The following ACAN variants were observed in gnomAD, a reference collection of about 807,000 sequenced individuals.
ACAN encodes the protein aggrecan, also known as aggrecan core protein.
In ACAN, 47 loss-of-function variants were observed where a neutral mutation model predicts 169.1. The ratio of observed to expected loss-of-function variants is 0.28; its 90% confidence interval spans 0.22 to 0.35. The LOEUF (loss-of-function observed/expected upper bound fraction) is 0.35. Ranked by LOEUF, ACAN falls within the 10% of genes least tolerant of loss-of-function variation. ACAN has a pLI of 1.00. For synonymous variants in ACAN, 1,115 were observed against 1,112.2 expected, an observed-to-expected ratio of 1.00 and a Z score of -0.05; for missense variants, 2,716 against 2,759.9, an observed-to-expected ratio of 0.98 and a Z score of 0.36.
intron 7 of ACAN, among the ~76,000 whole-genome samples, chr15:88,846,703 A>C (rs1224525680): frequency 6.6e-6 from 1 of 152,264 alleles, no homozygotes; most frequent in Non-Finnish European, 1.5e-5. Context: ...ACGTTGTATC[A>C]GGTTTTATAG....
chr15:88,829,466 C>T (rs1412231129), intron 1 of ACAN, among the ~76,000 whole-genome samples: 1 of 152,164 alleles, frequency 6.6e-6, no homozygotes, highest in Non-Finnish European at 1.5e-5. Context: ...GTTGGGGTGA[C>T]TCTGGCCAGA....
rs760091367 is a variant in ACAN at position 88,857,424 on chromosome 15, T to A, written c.4839T>A (p.Thr1613=). 6.2e-7 allele frequency: 1 copy of A among 1,613,876 alleles called. No homozygotes were observed. Among genetic ancestry groups the A allele is most frequent in the Non-Finnish European group, 8.5e-7 (1 of 1,179,898 alleles). ...DLDLGKLPSG[T]LGSGQAPETS... ...ACTTGGGCAAACTGCCTTCTGGAAC[T>A]CTAGGAAGTGGGCAAGCTCCAGAAA... Residue 1613 remains threonine, a synonymous_variant, in exon 12 of 19, where the codon ACT becomes ACA. Transcript: ENST00000560601.
At chr15:88,844,847 C>A (rs918119107) in intron 6 of ACAN, among the ~76,000 whole-genome samples, 1 of 152,186 alleles carries the variant, frequency 6.6e-6, no homozygotes, top group Non-Finnish European at 1.5e-5. Flanking sequence ...TGAGGAGTTG[C>A]AAAACTTTTA....
Position 88,838,593 on chromosome 15 carries a change from G to T in ACAN, c.71-70G>T, listed in dbSNP as rs2141562772. On this transcript the variant is annotated intron_variant, in intron 2 of 18. Transcript: ENST00000560601. The surrounding 1 kb of genome is among the most constrained non-coding windows in gnomAD (Gnocchi z 5.1). ...CAGGAGAGTGCATTGCTGGAAGGATGGATGGGGAGGCGGGGTGGTCCTCTC... is the reference window on the plus strand; with the variant it reads ...CAGGAGAGTGCATTGCTGGAAGGATTGATGGGGAGGCGGGGTGGTCCTCTC... 4.7e-6 allele frequency: 7 copies of T among 1,503,694 alleles called. No homozygotes were observed. The highest frequency in any genetic ancestry group is 6.3e-6 in the Non-Finnish European group (7 of 1,116,526). 93.1% of individuals were successfully genotyped at this position (1,503,694 alleles called of 1,614,324 possible).
Position 88,845,900 on chromosome 15 carries a change from G to A in ACAN, c.1429+18G>A, listed in dbSNP as rs1896784042. 2.1e-6 allele frequency: 3 copies of A among 1,443,804 alleles called. 1 individual carries two copies. Among genetic ancestry groups the A allele is most frequent in the Non-Finnish European group, 2.7e-6 (3 of 1,095,238 alleles). The allele number at this position is 1,443,804 out of a possible 1,614,324, so 89.4% of individuals were successfully genotyped here. A position where few individuals can be genotyped will look rare whatever the true frequency, so the allele number is the denominator to read the frequency against. On this transcript the variant is annotated intron_variant, in intron 7 of 18. Coordinates refer to ENST00000560601, the MANE Select transcript of ACAN (RefSeq NM_001369268.1). ...GCCAGGGGGTAAGTAGCTGCCCGTG[G>A]GTGCATCCAGGGGCAGGTGGAGAGA...
At chr15:88,829,689 C>T (rs1481750588) in intron 1 of ACAN, among the ~76,000 whole-genome samples, 1 of 152,120 alleles carries the variant, frequency 6.6e-6, no homozygotes, top group Non-Finnish European at 1.5e-5. Flanking sequence ...TTGGTCCTTT[C>T]GAATCCATCT....
At chr15:88,804,028 C>T (rs993836024) in intron 1 of ACAN, among the ~76,000 whole-genome samples, 4 of 152,196 alleles carry the variant, frequency 2.6e-5, no homozygotes, top group Non-Finnish European at 5.9e-5. Flanking sequence ...GGCAAAGGAA[C>T]ACGTGAGGAG....
In ACAN at chr15:88,843,489, A is replaced by G. The variant is rs1896716863; in HGVS notation, c.892A>G (p.Ser298Gly). Residue 298 changes from serine (S) to glycine (G), a missense_variant, in exon 6 of 19, where the codon AGC (serine) becomes GGC (glycine). By Grantham distance (56) the Ser-to-Gly change is moderately conservative. Coordinates refer to ENST00000560601, the MANE Select transcript of ACAN (RefSeq NM_001369268.1). The surrounding 1 kb of genome is among the most constrained non-coding windows in gnomAD (Gnocchi z 4.0). ...CTGGCAGGCTGGCATGGACATGTGCAGCGCCGGCTGGCTGGCCGACCGCAG... is the reference window on the plus strand; with the variant it reads ...CTGGCAGGCTGGCATGGACATGTGCGGCGCCGGCTGGCTGGCCGACCGCAG... ...LAWQAGMDMC[S>G]AGWLADRSVR... The G allele has an allele frequency of 9.3e-6, 15 of 1,612,074 alleles. No homozygotes were observed. In the South Asian group the frequency reaches 1.5e-4, roughly 17 times the overall value.
rs1567174544 is a variant in ACAN at position 88,838,168 on chromosome 15, C to T, written c.71-495C>T. The stretch of plus-strand genomic sequence containing the variant: ...CTTGTCCCGGTGGCAAAATCAGGCT[C>T]GCACCCAAAAGCAGACCTCCCCAAA... On this transcript the variant is annotated intron_variant, in intron 2 of 18. Transcript: ENST00000560601. This position sits in a 1 kb window ranked among gnomAD's most constrained non-coding sequence, Gnocchi z 5.1. Among the ~76,000 whole-genome samples, 1 of 152,078 alleles carries T rather than the reference C, an allele frequency of 6.6e-6. No individual in the cohort carries two copies. The highest frequency in any genetic ancestry group is 1.5e-5 in the Non-Finnish European group (1 of 68,016).
intron 8 of ACAN, 150 bp downstream of exon 8, chr15:88,847,567 G>T (rs888817047): frequency 7.0e-6 from 7 of 993,206 alleles, no homozygotes; most frequent in Non-Finnish European, 1.0e-5. Context: ...TATCCCGAAA[G>T]GGTGGTGAAG....
At chr15:88,823,920 G>A (rs902560858) in intron 1 of ACAN, among the ~76,000 whole-genome samples, 8 of 152,132 alleles carry the variant, frequency 5.3e-5, no homozygotes, top group Non-Finnish European at 7.4e-5. Context: ...GGCTACCCCT[G>A]ACAGCTCTAC....
rs765929803 is a variant in ACAN at position 88,873,889 on chromosome 15, CAGA to C, written c.7501_7503del (p.Lys2501del). 5.0e-6 allele frequency: 8 copies of C among 1,613,682 alleles called. No homozygotes were observed. Among genetic ancestry groups the C allele is most frequent in the Admixed American group, 1.7e-5 (1 of 59,998 alleles). Reference sequence around the variant, plus strand: ...GGTGGAGCATGCCAGGACCTTCGGGCAGAAGAAGGACCGGTATGAGATCAATTC... The same window carrying C: ...GGTGGAGCATGCCAGGACCTTCGGGCAGAAGGACCGGTATGAGATCAATTC... On this transcript the variant is annotated inframe_deletion, in exon 18 of 19. Coordinates refer to ENST00000560601, the MANE Select transcript of ACAN (RefSeq NM_001369268.1). This position sits in a 1 kb window ranked among gnomAD's most constrained non-coding sequence, Gnocchi z 7.5.
Position 88,869,939 on chromosome 15 carries a change from G to A in ACAN, c.7061-1443G>A, listed in dbSNP as rs1420911866. ...CAGAGAAGTTGCACCCTCCAGCTCTGCCTGCCCAGCTCAGCCCTTAGCCAC... is the reference window on the plus strand; with the variant it reads ...CAGAGAAGTTGCACCCTCCAGCTCTACCTGCCCAGCTCAGCCCTTAGCCAC... On this transcript the variant is annotated intron_variant, in intron 14 of 18. Transcript: ENST00000560601. The surrounding 1 kb of genome is among the most constrained non-coding windows in gnomAD (Gnocchi z 4.2). Among the ~76,000 whole-genome samples the A allele has an allele frequency of 6.6e-6, 1 of 152,038 alleles. No individual in the cohort carries two copies. The highest frequency in any genetic ancestry group is 1.5e-5 in the Non-Finnish European group (1 of 68,012).
intron 5 of ACAN, among the ~76,000 whole-genome samples, chr15:88,842,518 T>TC (rs1264867155): frequency 8.6e-5 from 3 of 34,760 alleles, no homozygotes; most frequent in Non-Finnish European, 1.6e-4. Context: ...CCATCCCCCC[T>TC]CCCCCCTACC....
rs925422916 is a variant in ACAN, at chr15:88,849,223, C to T, written c.1733-215C>T. ...TTTTGGCACCGAAAGTCCTATGTAC[C>T]GGGAAACCCCAGTCCAGTACAAACC... On this transcript the variant is annotated intron_variant, in intron 9 of 18. Transcript: ENST00000560601. This position sits in a 1 kb window ranked among gnomAD's most constrained non-coding sequence, Gnocchi z 5.1. 3.9e-5 allele frequency among the ~76,000 whole-genome samples: 6 copies of T among 152,194 alleles called. No individual in the cohort carries two copies. Among genetic ancestry groups the T allele is most frequent in the African/African-American group, 7.2e-5 (3 of 41,442 alleles).
rs1897343596 is a variant in ACAN, at chr15:88,869,928, C to T, written c.7061-1454C>T. ...TACCCACCTCCCAGAGAAGTTGCACCCTCCAGCTCTGCCTGCCCAGCTCAG... is the reference window on the plus strand; with the variant it reads ...TACCCACCTCCCAGAGAAGTTGCACTCTCCAGCTCTGCCTGCCCAGCTCAG... On this transcript the variant is annotated intron_variant, in intron 14 of 18. Coordinates refer to ENST00000560601, the MANE Select transcript of ACAN (RefSeq NM_001369268.1). The surrounding 1 kb of genome is among the most constrained non-coding windows in gnomAD (Gnocchi z 4.2). Among the ~76,000 whole-genome samples the T allele has an allele frequency of 6.6e-6, 1 of 152,130 alleles. No individual in the cohort carries two copies. Among genetic ancestry groups the T allele is most frequent in the African/African-American group, 2.4e-5 (1 of 41,418 alleles).
intron 13 of ACAN, among the ~76,000 whole-genome samples, chr15:88,863,547 C>G (rs1416961098): frequency 6.6e-6 from 1 of 152,188 alleles, no homozygotes; most frequent in African/African-American, 2.4e-5. Flanking sequence ...CTGTTCTAAC[C>G]AGATCTCACA....
Position 88,871,416 on chromosome 15 carries a change from C to G in ACAN, c.7095C>G (p.Tyr2365Ter). ...QEVCEEGWNK[Y>*]QGHCYRHFPD... Reference sequence around the variant, plus strand: ...TATGTGAGGAGGGCTGGAACAAGTACCAGGGCCACTGTTACCGCCACTTCC... The same window carrying G: ...TATGTGAGGAGGGCTGGAACAAGTAGCAGGGCCACTGTTACCGCCACTTCC... Residue 2365 changes from tyrosine (Y) to a stop codon, truncating the protein, a stop_gained, in exon 15 of 19, where the codon TAC becomes TAG. Coordinates refer to ENST00000560601, the MANE Select transcript of ACAN (RefSeq NM_001369268.1). LOFTEE classifies it high-confidence loss of function. This position sits in a 1 kb window ranked among gnomAD's most constrained non-coding sequence, Gnocchi z 7.8. The G allele has an allele frequency of 6.2e-7, 1 of 1,613,920 alleles. No individual in the cohort carries two copies. Among genetic ancestry groups the G allele is most frequent in the Non-Finnish European group, 8.5e-7 (1 of 1,179,892 alleles).
At chr15:88,818,005 G>A (rs1420529554) in intron 1 of ACAN, among the ~76,000 whole-genome samples, 1 of 152,090 alleles carries the variant, frequency 6.6e-6, no homozygotes, top group African/African-American at 2.4e-5. Flanking sequence ...AAAATAGAAT[G>A]GAATTGTATT....
Sources: allele counts gnomAD v4.1 joint callset (sites outside exome capture counted in the v4.1 genomes callset), GRCh38; gene constraint gnomAD v4.1.1; non-coding constraint Gnocchi (gnomAD v3.1); transcripts MANE v1.5; gene names NCBI Gene and HGNC (gene_info 2026-07-23, HGNC 2026-07-21).